Variants in OR10Z1 observed in about 807,000 individuals in gnomAD.
OR10Z1 encodes the protein olfactory receptor 10Z1.
For missense variants in OR10Z1, 468 were observed against 371.0 expected (o/e 1.26, Z -2.15); for synonymous variants, 187 against 151.2 (o/e 1.24, Z -1.74).
chr1:158,607,405 T>A lies in OR10Z1; in HGVS notation c.*25T>A. ...AAGGTTACCCCAATAGGACACTTTC[T>A]TCTGTGTAGGCTGGGCATAGACCAA... On this transcript the variant is annotated 3_prime_UTR_variant, in exon 2 of 2. Transcript: ENST00000641002. 1.3e-6 allele frequency: 2 copies of A among 1,574,208 alleles called. No homozygotes were observed. The highest frequency in any genetic ancestry group is 2.3e-5 in the South Asian group (2 of 88,062).
In OR10Z1 at chr1:158,606,923, T is replaced by C. The variant is rs1170502709; in HGVS notation, c.485T>C (p.Val162Ala). The change falls in exon 2 of 2, where the codon GTT becomes GCT. Residue 162 changes from valine to alanine, a missense_variant. Transcript: ENST00000641002. ...GYLFGLGMTL[V>A]IFHLSFCSSH... ...CTCTTTGGACTGGGAATGACACTAG[T>C]TATTTTCCACCTCTCATTCTGCAGC... is the stretch of plus-strand genomic sequence containing the variant. 2 of 1,613,948 alleles carry C rather than the reference T, an allele frequency of 1.2e-6. No homozygotes were observed. The highest frequency in any genetic ancestry group is 2.2e-5 in the South Asian group (2 of 91,084).
Position 158,606,719 on chromosome 1 carries a change from A to T in OR10Z1, c.281A>T (p.Tyr94Phe), listed in dbSNP as rs764335253. The T allele has an allele frequency of 9.9e-6, 16 of 1,613,802 alleles. No homozygotes were observed. The highest frequency in any genetic ancestry group is 1.3e-5 in the Non-Finnish European group (15 of 1,179,938). ...GCTGGGGGGGACCAGGCTATCTCCT[A>T]TGTGGGCTGTGCTGCCCAGATGTTC... ...GLAGGDQAIS[Y>F]VGCAAQMFFS... The change falls in exon 2 of 2, where the codon TAT (tyrosine) becomes TTT (phenylalanine). Residue 94 changes from tyrosine to phenylalanine, a missense_variant. By Grantham distance (22) the Tyr-to-Phe change is conservative (BLOSUM62 3). Coordinates refer to ENST00000641002, the MANE Select transcript of OR10Z1 (RefSeq NM_001004478.2).
chr1:158,611,201 CTT>C lies in OR10Z1; in HGVS notation c.*3823_*3824del. 1 of 1,599,214 alleles carries C rather than the reference CTT, an allele frequency of 6.3e-7. No homozygotes were observed. Among genetic ancestry groups the C allele is most frequent in the Non-Finnish European group, 8.6e-7 (1 of 1,169,398 alleles). On this transcript the variant is annotated 3_prime_UTR_variant, in exon 2 of 2. Transcript: ENST00000641002. ...TTTATCTTCCACATTTGCCTGTACTCTTTGCCCCCCAGTAAATTTCCCACGAC... is the reference window on the plus strand; with the variant it reads ...TTTATCTTCCACATTTGCCTGTACTCTGCCCCCCAGTAAATTTCCCACGAC...
In OR10Z1 at chr1:158,608,381, C is replaced by T. The variant is rs1386228538; in HGVS notation, c.*1001C>T. The T allele has an allele frequency of 6.6e-6, 1 of 152,108 alleles. No individual in the cohort carries two copies. Among genetic ancestry groups the T allele is most frequent in the Non-Finnish European group, 1.5e-5 (1 of 68,010 alleles). 9.4% of individuals were successfully genotyped at this position (152,108 alleles called of 1,614,324 possible). The stretch of plus-strand genomic sequence containing the variant: ...CGTCAGGCAGGAGTTTGAATCCAAA[C>T]TCTTCAACTTACTAGCTGTGTGACT... On this transcript the variant is annotated 3_prime_UTR_variant, in exon 2 of 2. Coordinates refer to ENST00000641002, the MANE Select transcript of OR10Z1 (RefSeq NM_001004478.2).
In OR10Z1 at chr1:158,606,760, G is replaced by A; in HGVS notation, c.322G>A (p.Ala108Thr). The change falls in exon 2 of 2, where the codon GCC becomes ACC. Residue 108 changes from alanine (A) to threonine (T), a missense_variant. By Grantham distance (58) the Ala-to-Thr change is moderately conservative (BLOSUM62 0). Coordinates refer to ENST00000641002, the MANE Select transcript of OR10Z1 (RefSeq NM_001004478.2). ...CCAGATGTTCTTTTCTGCCTCATGGGCCTGTACTAACTGCTTCCTTCTGGC... is the reference window on the plus strand; with the variant it reads ...CCAGATGTTCTTTTCTGCCTCATGGACCTGTACTAACTGCTTCCTTCTGGC... ...AAQMFFSASW[A>T]CTNCFLLAAM... is the part of the protein sequence containing the mutation. 1 of 1,614,002 alleles carries A rather than the reference G, an allele frequency of 6.2e-7. No individual in the cohort carries two copies.
chr1:158,607,210 G>C lies in OR10Z1; in HGVS notation c.772G>C (p.Val258Leu). 6.2e-7 allele frequency: 1 copy of C among 1,613,964 alleles called. No homozygotes were observed. The highest frequency in any genetic ancestry group is 2.2e-5 in the East Asian group (1 of 44,876). ...VIIHYGCASF[V>L]YLRPKASYSL... ...TATTCATTATGGCTGTGCTTCCTTC[G>C]TGTACCTGAGGCCCAAAGCCAGCTA... The change falls in exon 2 of 2, where the codon GTG (valine) becomes CTG (leucine). Residue 258 changes from valine (V) to leucine (L), a missense_variant. By Grantham distance (32) the Val-to-Leu change is conservative (BLOSUM62 1). Transcript: ENST00000641002.
chr1:158,606,596 G>A lies in OR10Z1; in HGVS notation c.158G>A (p.Ser53Asn). 1.2e-6 allele frequency: 2 copies of A among 1,614,012 alleles called. No homozygotes were observed. The highest frequency in any genetic ancestry group is 1.7e-6 in the Non-Finnish European group (2 of 1,179,914). Reference protein sequence around the residue: ...VFIIIAIRLDSHLHTPMYLFL... With the variant: ...VFIIIAIRLDNHLHTPMYLFL... ...ATTATCATAGCCATCAGGCTGGATA[G>A]CCATCTGCACACCCCCATGTACCTC... is the stretch of plus-strand genomic sequence containing the variant. The change falls in exon 2 of 2, where the codon AGC becomes AAC. Residue 53 changes from serine to asparagine, a missense_variant. By Grantham distance (46) the Ser-to-Asn change is conservative. Coordinates refer to ENST00000641002, the MANE Select transcript of OR10Z1 (RefSeq NM_001004478.2).
chr1:158,611,161 ACAC>A lies in OR10Z1; in HGVS notation c.*3782_*3784del. ...CACACACACACACACACACACACAC[ACAC>A]ACGAGGCCATCTTTATCTTCCACAT... is the stretch of plus-strand genomic sequence containing the variant. On this transcript the variant is annotated 3_prime_UTR_variant, in exon 2 of 2. Coordinates refer to ENST00000641002, the MANE Select transcript of OR10Z1 (RefSeq NM_001004478.2). 1 of 1,409,612 alleles carries A rather than the reference ACAC, an allele frequency of 7.1e-7. No individual in the cohort carries two copies. The highest frequency in any genetic ancestry group is 1.0e-6 in the Non-Finnish European group (1 of 1,003,556). The allele number at this position is 1,409,612 out of a possible 1,614,324, so 87.3% of individuals were successfully genotyped here.
chr1:158,611,488 G>A lies in OR10Z1; in HGVS notation c.*4108G>A. 1 of 1,421,680 alleles carries A rather than the reference G, an allele frequency of 7.0e-7. No individual in the cohort carries two copies. The highest frequency in any genetic ancestry group is 1.8e-5 in the Admixed American group (1 of 55,412). 88.1% of individuals were successfully genotyped at this position (1,421,680 alleles called of 1,614,324 possible). On this transcript the variant is annotated 3_prime_UTR_variant, in exon 2 of 2. Coordinates refer to ENST00000641002, the MANE Select transcript of OR10Z1 (RefSeq NM_001004478.2). ...ACGCCATAAATGCAGGAGATGGAGAGTCTCTGGAAGACGCAAGCCCTATTT... is the reference window on the plus strand; with the variant it reads ...ACGCCATAAATGCAGGAGATGGAGAATCTCTGGAAGACGCAAGCCCTATTT...
In OR10Z1 at chr1:158,606,989, T is replaced by A; in HGVS notation, c.551T>A (p.Val184Glu). Residue 184 changes from valine to glutamate, a missense_variant, in exon 2 of 2, where the codon GTG becomes GAG. Transcript: ENST00000641002. ...IQHFFCDTPPVLSLACGDTGP... is the reference protein window; with the variant it reads ...IQHFFCDTPPELSLACGDTGP... ...CACTTTTTTTGTGACACGCCACCTG[T>A]GCTGAGCCTAGCCTGTGGAGATACA... 6.2e-7 allele frequency: 1 copy of A among 1,614,116 alleles called. No homozygotes were observed. Among genetic ancestry groups the A allele is most frequent in the East Asian group, 2.2e-5 (1 of 44,874 alleles).
Position 158,610,999 on chromosome 1 carries a change from T to C in OR10Z1, c.*3619T>C. ...AAACAGAACAAATAAAAATAGAAAC[T>C]TTGACACCCCTCAGCAGTGACTAGT... On this transcript the variant is annotated 3_prime_UTR_variant, in exon 2 of 2. Coordinates refer to ENST00000641002, the MANE Select transcript of OR10Z1 (RefSeq NM_001004478.2). 1 of 391,388 alleles carries C rather than the reference T, an allele frequency of 2.6e-6. No individual in the cohort carries two copies. The highest frequency in any genetic ancestry group is 2.0e-5 in the African/African-American group (1 of 49,016). The allele number at this position is 391,388 out of a possible 1,614,324, so 24.2% of individuals were successfully genotyped here.
rs539334530 is a variant in OR10Z1 at position 158,608,600 on chromosome 1, T to C, written c.*1220T>C. The C allele has an allele frequency of 1.3e-5, 2 of 152,166 alleles. No homozygotes were observed. Among genetic ancestry groups the C allele is most frequent in the African/African-American group, 4.8e-5 (2 of 41,446 alleles). The allele number at this position is 152,166 out of a possible 1,614,324, so 9.4% of individuals were successfully genotyped here. On this transcript the variant is annotated 3_prime_UTR_variant, in exon 2 of 2. Transcript: ENST00000641002. The stretch of plus-strand genomic sequence containing the variant: ...GGCTTTTAGTTTAGGTAGAGTTTAC[T>C]CTAGGTGGAGGATCAGAGAAGACTT...
intron 1 of OR10Z1, 138 bp from the exon 2 acceptor site, chr1:158,606,188 G>A (rs1234017367): frequency 8.5e-6 from 4 of 472,950 alleles, no homozygotes; most frequent in Non-Finnish European, 1.5e-5. Flanking sequence ...ATGTGCATAT[G>A]AATGTCTGTG....
Position 158,607,067 on chromosome 1 carries a change from CCTT to C in OR10Z1, c.637_639del (p.Phe213del), listed in dbSNP as rs753566142. On this transcript the variant is annotated inframe_deletion, in exon 2 of 2. Transcript: ENST00000641002. ...CTCAGTCTTTTGGTCCTCTTGGTCT[CCTT>C]CTTCTTCATCACCATCTCCTACGCC... is the stretch of plus-strand genomic sequence containing the variant. The C allele has an allele frequency of 3.7e-6, 6 of 1,614,034 alleles. No individual in the cohort carries two copies. The highest frequency in any genetic ancestry group is 1.1e-5 in the South Asian group (1 of 91,078).
rs767118989 is a variant in OR10Z1, at chr1:158,607,268, C to G, written c.830C>G (p.Thr277Ser). The G allele has an allele frequency of 1.9e-6, 3 of 1,613,990 alleles. No individual in the cohort carries two copies. Among genetic ancestry groups the G allele is most frequent in the South Asian group, 1.1e-5 (1 of 91,086 alleles). ...SLERDQLIAM[T>S]YTVVTPLLNP... ...GAGAGAGATCAGCTTATTGCCATGA[C>G]CTATACTGTAGTGACCCCCCTCCTT... Residue 277 changes from threonine to serine, a missense_variant, in exon 2 of 2, where the codon ACC (threonine) becomes AGC (serine). Thr to Ser is a moderately conservative substitution (Grantham distance 58). Transcript: ENST00000641002.
In OR10Z1 at chr1:158,607,217, T is replaced by G; in HGVS notation, c.779T>G (p.Leu260Arg). The change falls in exon 2 of 2, where the codon CTG (leucine) becomes CGG (arginine). Residue 260 changes from leucine to arginine, a missense_variant. Physicochemically the swap from Leu to Arg is moderately radical, Grantham distance 102. Transcript: ENST00000641002. ...TATGGCTGTGCTTCCTTCGTGTACC[T>G]GAGGCCCAAAGCCAGCTACTCTCTT... Reference protein sequence around the residue: ...IHYGCASFVYLRPKASYSLER... With the variant: ...IHYGCASFVYRRPKASYSLER... 3 of 1,614,118 alleles carry G rather than the reference T, an allele frequency of 1.9e-6. No homozygotes were observed. Among genetic ancestry groups the G allele is most frequent in the Non-Finnish European group, 2.5e-6 (3 of 1,179,972 alleles).
Position 158,612,487 on chromosome 1 carries a change from T to C in OR10Z1, c.*5107T>C, listed in dbSNP as rs917863919. ...TACACCTGAATTTAGGGACTGTGTC[T>C]TACTAAAGTTTGCACTCCTCATGCC... On this transcript the variant is annotated 3_prime_UTR_variant, in exon 2 of 2. Transcript: ENST00000641002. The C allele has an allele frequency of 8.5e-6, 3 of 354,232 alleles. No individual in the cohort carries two copies. The highest frequency in any genetic ancestry group is 1.6e-5 in the Non-Finnish European group (3 of 185,018). 21.9% of individuals were successfully genotyped at this position (354,232 alleles called of 1,614,324 possible).
chr1:158,610,815 G>T lies in OR10Z1; in HGVS notation c.*3435G>T, dbSNP rs1028165412. 2 of 154,950 alleles carry T rather than the reference G, an allele frequency of 1.3e-5. No homozygotes were observed. Among genetic ancestry groups the T allele is most frequent in the Non-Finnish European group, 2.9e-5 (2 of 69,992 alleles). 9.6% of individuals were successfully genotyped at this position (154,950 alleles called of 1,614,324 possible). On this transcript the variant is annotated 3_prime_UTR_variant, in exon 2 of 2. Transcript: ENST00000641002. The stretch of plus-strand genomic sequence containing the variant: ...GATTTTATTTATCTACTATACCATG[G>T]CCCTTCTTTACAGTAAAATTAGCTG...
rs770181869 is a variant in OR10Z1 at position 158,607,217 on chromosome 1, T to C, written c.779T>C (p.Leu260Pro). 1 of 1,614,118 alleles carries C rather than the reference T, an allele frequency of 6.2e-7. No individual in the cohort carries two copies. The highest frequency in any genetic ancestry group is 8.5e-7 in the Non-Finnish European group (1 of 1,179,972). Residue 260 changes from leucine (L) to proline (P), a missense_variant, in exon 2 of 2, where the codon CTG becomes CCG. Transcript: ENST00000641002. ...IHYGCASFVY[L>P]RPKASYSLER... is the part of the protein sequence containing the mutation. Reference sequence around the variant, plus strand: ...TATGGCTGTGCTTCCTTCGTGTACCTGAGGCCCAAAGCCAGCTACTCTCTT... The same window carrying C: ...TATGGCTGTGCTTCCTTCGTGTACCCGAGGCCCAAAGCCAGCTACTCTCTT...
Sources: allele counts gnomAD v4.1 joint callset, GRCh38; gene constraint gnomAD v4.1.1; transcripts MANE v1.5; gene names NCBI Gene and HGNC (gene_info 2026-07-23, HGNC 2026-07-21).